The following PRKAG2 variants were observed in gnomAD, a reference collection of about 807,000 sequenced individuals.
PRKAG2 encodes the protein 5'-AMP-activated protein kinase subunit gamma-2.
A neutral mutation model predicts 69.6 loss-of-function variants in PRKAG2; 26 were observed. The observed-to-expected ratio is 0.37, with a 90% CI of 0.27 to 0.52. The LOEUF is 0.52. PRKAG2 is among the 20% of genes least tolerant of loss of function. The probability of loss-of-function intolerance (pLI) is 0.90; values close to 1 mark genes in which losing one functional copy is unlikely to be tolerated. For missense variants in PRKAG2, 557 were observed against 740.0 expected, an observed-to-expected ratio of 0.75 and a Z score of 2.87; for synonymous variants, 293 against 285.0, an observed-to-expected ratio of 1.03 and a Z score of -0.28.
intron 1 of PRKAG2, among the ~76,000 whole-genome samples, chr7:151,793,433 C>G (rs533487814): frequency 6.6e-6 from 1 of 152,360 alleles, no homozygotes; most frequent in East Asian, 1.9e-4. Context: ...GATTGTTCAG[C>G]TCCCTCAATC....
At chr7:151,861,527 C>CAAAAAAAAAA (rs1563762540) in intron 1 of PRKAG2, among the ~76,000 whole-genome samples, 39 of 60,358 alleles carry the variant, frequency 6.5e-4, no homozygotes, top group Admixed American at 1.3e-3. Context: ...GACTCTGTCT[C>CAAAAAAAAAA]CAAAAAAAAA....
At chr7:151,701,839 T>C (rs1837748865) in intron 3 of PRKAG2, among the ~76,000 whole-genome samples, 1 of 119,054 alleles carries the variant, frequency 8.4e-6, no homozygotes. Context: ...CGAGACTCTG[T>C]CTCAAAAAAA....
chr7:151,820,058 C>T (rs1277702438), intron 1 of PRKAG2, among the ~76,000 whole-genome samples: 2 of 152,240 alleles, frequency 1.3e-5, no homozygotes, highest in African/African-American at 2.4e-5. Context: ...AAGAGATATG[C>T]CTATCCACTG....
At chr7:151,871,325 C>T (rs1388800427) in intron 1 of PRKAG2, among the ~76,000 whole-genome samples, 1 of 152,242 alleles carries the variant, frequency 6.6e-6, no homozygotes, top group Non-Finnish European at 1.5e-5. Context: ...CCATGCCTTA[C>T]AAGAGGCATG....
Position 151,807,860 on chromosome 7 carries a change from G to A in PRKAG2, c.115-21319C>T, listed in dbSNP as rs1017997349. 6.6e-5 allele frequency among the ~76,000 whole-genome samples: 10 copies of A among 152,146 alleles called. No individual in the cohort carries two copies. Among genetic ancestry groups the A allele is most frequent in the East Asian group, 5.8e-4 (3 of 5,198 alleles). On this transcript the variant is annotated intron_variant, in intron 1 of 15. Coordinates refer to ENST00000287878, the MANE Select transcript of PRKAG2 (RefSeq NM_016203.4). The surrounding 1 kb of genome is among the most constrained non-coding windows in gnomAD (Gnocchi z 4.4). ...TAAATCTGGATGCGGTGGAGACAAC[G>A]GCCAAACAGAAAAACCGCTTGGAGA... is the stretch of plus-strand genomic sequence containing the variant.
chr7:151,629,363 C>G (rs78244029), intron 5 of PRKAG2, among the ~76,000 whole-genome samples: 3 of 152,304 alleles, frequency 2.0e-5, no homozygotes, highest in Non-Finnish European at 4.4e-5. Flanking sequence ...TCAAAAAGAT[C>G]TGTGGCTATT....
intron 1 of PRKAG2, among the ~76,000 whole-genome samples, chr7:151,860,451 C>T (rs2079890670): frequency 6.6e-6 from 1 of 152,196 alleles, no homozygotes; most frequent in Non-Finnish European, 1.5e-5. Flanking sequence ...GAGACACGCA[C>T]TGATGGGTGC....
chr7:151,631,428 T>A (rs184550704), intron 5 of PRKAG2, among the ~76,000 whole-genome samples: 1 of 152,248 alleles, frequency 6.6e-6, no homozygotes, highest in East Asian at 1.9e-4. Flanking sequence ...AGCTCATGCC[T>A]TTCAAATGTT....
At chr7:151,572,865 C>T (rs987892796) in intron 8 of PRKAG2, among the ~76,000 whole-genome samples, 156 bp from the exon 9 acceptor site, 9 of 152,146 alleles carry the variant, frequency 5.9e-5, no homozygotes, top group African/African-American at 2.2e-4. Context: ...GTAATCTCAG[C>T]ACTTTGGGAG....
At chr7:151,748,587 C>T (rs896719514) in intron 3 of PRKAG2, among the ~76,000 whole-genome samples, 13 of 151,942 alleles carry the variant, frequency 8.6e-5, no homozygotes, top group African/African-American at 1.2e-4. Context: ...TACTGCTTTT[C>T]AATATAAATT....
At chr7:151,806,430 G>A (rs1208682642) in intron 1 of PRKAG2, 3 of 152,900 alleles carry the variant, frequency 2.0e-5, no homozygotes, top group Non-Finnish European at 2.9e-5. Flanking sequence ...CTCAAGGAAC[G>A]GAAAGGAAAT....
At chr7:151,748,555 T>C (rs1586257942) in intron 3 of PRKAG2, among the ~76,000 whole-genome samples, 1 of 151,982 alleles carries the variant, frequency 6.6e-6, no homozygotes, top group Non-Finnish European at 1.5e-5. Context: ...TCTTTTGGGG[T>C]TTGGTTGAGG....
intron 3 of PRKAG2, among the ~76,000 whole-genome samples, chr7:151,696,316 G>T (rs1836652289): frequency 6.6e-6 from 1 of 152,262 alleles, no homozygotes; most frequent in African/African-American, 2.4e-5. Flanking sequence ...GCAGCTCCCA[G>T]CTCCAATGGC....
chr7:151,804,548 G>C (rs532181703), intron 1 of PRKAG2, among the ~76,000 whole-genome samples: 20 of 152,084 alleles, frequency 1.3e-4, no homozygotes, highest in Non-Finnish European at 2.2e-4. Flanking sequence ...TTTGGGTGGG[G>C]ACACGGATGT....
chr7:151,732,489 G>A (rs557303841), intron 3 of PRKAG2, among the ~76,000 whole-genome samples: 1 of 152,312 alleles, frequency 6.6e-6, no homozygotes, highest in South Asian at 2.1e-4. Flanking sequence ...GCGTTGCTGA[G>A]AGGGAATTTA....
chr7:151,769,389 GCTCTTAAT>G (rs1287306720), intron 3 of PRKAG2, among the ~76,000 whole-genome samples: 1 of 152,302 alleles, frequency 6.6e-6, no homozygotes, highest in East Asian at 1.9e-4. Flanking sequence ...AGTAGGGTGG[GCTCTTAAT>G]CTCCTTTGAC....
intron 1 of PRKAG2, among the ~76,000 whole-genome samples, chr7:151,800,742 T>G (rs910682127): frequency 6.6e-6 from 1 of 152,078 alleles, no homozygotes; most frequent in African/African-American, 2.4e-5. Context: ...GAGAGTGTAA[T>G]AGTGGACACA....
intron 1 of PRKAG2, among the ~76,000 whole-genome samples, chr7:151,866,334 C>T (rs1419934157): frequency 6.6e-6 from 1 of 152,218 alleles, no homozygotes; most frequent in African/African-American, 2.4e-5. Context: ...AGAGACTTTT[C>T]TCAGCAGGTT....
intron 1 of PRKAG2, among the ~76,000 whole-genome samples, chr7:151,874,237 G>A (rs894122132): frequency 1.9e-5 from 2 of 105,344 alleles, no homozygotes; most frequent in African/African-American, 8.1e-5. Flanking sequence ...TGTATATGAT[G>A]TATATGTATA....
Sources: gnomAD v4.1 joint callset for allele counts (sites outside exome capture counted in the v4.1 genomes callset) on GRCh38, gnomAD v4.1.1 for gene constraint, Gnocchi (gnomAD v3.1) non-coding constraint, MANE v1.5 for transcripts, NCBI Gene and HGNC (gene_info 2026-07-23, HGNC 2026-07-21) for gene names.